The following ATP10B variants were observed in gnomAD, a reference collection of about 807,000 sequenced individuals.
ATP10B encodes phospholipid-transporting ATPase VB.
ATP10B carries 122 observed loss-of-function variants against 141.2 expected under a neutral mutation model. The observed-to-expected ratio is 0.86, with a 90% confidence interval of 0.75 to 1.00. The LOEUF is 1.00. Ranked by LOEUF, ATP10B falls within the 50% of genes least tolerant of loss-of-function variation. The probability of loss-of-function intolerance (pLI) is 0.00; values close to 1 mark genes in which losing one functional copy is unlikely to be tolerated. For synonymous variants in ATP10B, 685 were observed against 692.0 expected (o/e 0.99, Z 0.16); for missense variants, 1,876 against 1,825.3 (o/e 1.03, Z -0.51).
intron 24 of ATP10B, among the ~76,000 whole-genome samples, chr5:160,580,589 C>T (rs1001576899): frequency 6.6e-6 from 1 of 152,132 alleles, no homozygotes; most frequent in Non-Finnish European, 1.5e-5. Flanking sequence ...ATTTTTGCAT[C>T]AATGTTTAAC....
At chr5:160,850,703 C>T (rs896035242) in intron 1 of ATP10B, among the ~76,000 whole-genome samples, 4 of 152,120 alleles carry the variant, frequency 2.6e-5, no homozygotes, top group African/African-American at 9.7e-5. Flanking sequence ...AAAAAGTCAG[C>T]ATGTGGGTTT....
chr5:160,927,623 T>C, the ATP10B span, among the ~76,000 whole-genome samples: 4 of 152,248 alleles, frequency 2.6e-5, no homozygotes, highest in African/African-American at 9.6e-5. Context: ...GTGGTCATGA[T>C]ATCTCCTGTT....
intron 2 of ATP10B, among the ~76,000 whole-genome samples, chr5:160,777,648 C>CA (rs1267827450): frequency 1.2e-4 from 19 of 152,180 alleles, no homozygotes; most frequent in African/African-American, 4.3e-4. Flanking sequence ...TCACTATCCC[C>CA]AACCTGGCTC....
At chr5:160,681,936 C>G (rs1763423808) in intron 6 of ATP10B, among the ~76,000 whole-genome samples, 1 of 152,230 alleles carries the variant, frequency 6.6e-6, no homozygotes, top group South Asian at 2.1e-4. Context: ...GTGACCAGCT[C>G]TGCCTCCTAG....
At chr5:160,746,299 C>T (rs1001273318) in intron 2 of ATP10B, among the ~76,000 whole-genome samples, 24 of 152,198 alleles carry the variant, frequency 1.6e-4, no homozygotes, top group African/African-American at 5.5e-4. Flanking sequence ...AATTATTCAG[C>T]GTTAGGCTGG....
rs529831872 is a variant in ATP10B at position 160,618,023 on chromosome 5, A to T, written c.2417-50T>A. 7.9e-6 allele frequency: 11 copies of T among 1,384,460 alleles called. No homozygotes were observed. The East Asian group carries it at 9.1e-5, about 12-fold the overall frequency. 85.8% of individuals were successfully genotyped at this position (1,384,460 alleles called of 1,614,324 possible). On this transcript the variant is annotated intron_variant, in intron 15 of 25. Transcript: ENST00000327245. ...TGAGGCCACATACAAATGCTCAGGGATCCCCATCCCCAATACCCTGGAATC... is the reference window on the plus strand; with the variant it reads ...TGAGGCCACATACAAATGCTCAGGGTTCCCCATCCCCAATACCCTGGAATC...
chr5:160,591,081 A>C lies in ATP10B; in HGVS notation c.3623T>G (p.Ile1208Ser). 6.2e-7 allele frequency: 1 copy of C among 1,614,058 alleles called. No homozygotes were observed. Among genetic ancestry groups the C allele is most frequent in the South Asian group, 1.1e-5 (1 of 91,082 alleles). ...TACCAGGTAAGGGATAAAGAAACAG[A>C]TGAGGCTCTGGTAGAATGCATCCAC... Reference protein sequence around the residue: ...SMVDAFYQSLICFFIPYLAYK... With the variant: ...SMVDAFYQSLSCFFIPYLAYK... The change falls in exon 23 of 26, where the codon ATC becomes AGC. Residue 1208 changes from isoleucine to serine, a missense_variant. Physicochemically the swap from Ile to Ser is moderately radical, Grantham distance 142. Transcript: ENST00000327245.
the ATP10B span, among the ~76,000 whole-genome samples, chr5:160,884,703 T>C: frequency 6.6e-6 from 1 of 152,118 alleles, no homozygotes; most frequent in African/African-American, 2.4e-5. Context: ...ATGGAAAAAA[T>C]ATTTTTAAAA....
At chr5:160,764,928 G>A (rs1769297062) in intron 2 of ATP10B, among the ~76,000 whole-genome samples, 1 of 152,084 alleles carries the variant, frequency 6.6e-6, no homozygotes, top group African/African-American at 2.4e-5. Flanking sequence ...TGACTGACCT[G>A]AGAATTAAAT....
At chr5:160,757,295 C>A (rs900909039) in intron 2 of ATP10B, among the ~76,000 whole-genome samples, 2 of 152,168 alleles carry the variant, frequency 1.3e-5, no homozygotes, top group African/African-American at 4.8e-5. Flanking sequence ...TATGCACAGA[C>A]CTTCATTTGC....
At chr5:160,607,974 A>G (rs1757488578) in intron 18 of ATP10B, among the ~76,000 whole-genome samples, 1 of 152,204 alleles carries the variant, frequency 6.6e-6, no homozygotes, top group Non-Finnish European at 1.5e-5. Context: ...ACATGTGCAC[A>G]ACGTGCAGGT....
At chr5:160,699,634 T>C (rs577247071) in intron 3 of ATP10B, among the ~76,000 whole-genome samples, 2 of 152,208 alleles carry the variant, frequency 1.3e-5, no homozygotes, top group Non-Finnish European at 2.9e-5. Flanking sequence ...ATTTGTGAAA[T>C]GGAGTGAGAA....
intron 2 of ATP10B, among the ~76,000 whole-genome samples, chr5:160,758,579 C>T (rs1768803303): frequency 6.6e-6 from 1 of 152,146 alleles, no homozygotes; most frequent in Non-Finnish European, 1.5e-5. Context: ...CTGAAAAGCT[C>T]CAGCCTCTTT....
the ATP10B span, among the ~76,000 whole-genome samples, chr5:160,870,616 C>G: frequency 6.6e-6 from 1 of 151,720 alleles, no homozygotes; most frequent in Non-Finnish European, 1.5e-5. Flanking sequence ...GATGGAAATA[C>G]TAGAAGGAGA....
intron 1 of ATP10B, among the ~76,000 whole-genome samples, chr5:160,849,384 T>G (rs1306529809): frequency 6.6e-6 from 1 of 152,220 alleles, no homozygotes; most frequent in South Asian, 2.1e-4. Context: ...ATACAAGTTG[T>G]TTTCAGGCTG....
chr5:160,799,425 G>A (rs1009930060), intron 1 of ATP10B, among the ~76,000 whole-genome samples: 2 of 152,176 alleles, frequency 1.3e-5, no homozygotes, highest in East Asian at 1.9e-4. Flanking sequence ...ACCTGGTGAC[G>A]CCATGTGTTG....
chr5:160,792,284 A>G (rs1439279976), intron 1 of ATP10B, among the ~76,000 whole-genome samples: 2 of 152,194 alleles, frequency 1.3e-5, no homozygotes, highest in East Asian at 1.9e-4. Context: ...CATGAACTCA[A>G]TATATGCGTG....
upstream of ATP10B, chr5:160,852,361 C>A (rs1035821284): frequency 5.9e-5 from 9 of 152,130 alleles, no homozygotes; most frequent in African/African-American, 2.2e-4. Context: ...TATCAAAATT[C>A]ATGGTGATTT....
At chr5:160,888,410 CTT>C in the ATP10B span, among the ~76,000 whole-genome samples, 3 of 152,208 alleles carry the variant, frequency 2.0e-5, no homozygotes, top group Non-Finnish European at 4.4e-5. Flanking sequence ...TTCTCATAAA[CTT>C]TATTAAGCAG....
Sources: gnomAD v4.1 joint callset for allele counts (sites outside exome capture counted in the v4.1 genomes callset) on GRCh38, gnomAD v4.1.1 for gene constraint, MANE v1.5 for transcripts, NCBI Gene and HGNC (gene_info 2026-07-23, HGNC 2026-07-21) for gene names.